The following PEG3 variants were observed in gnomAD, a reference collection of about 807,000 sequenced individuals.
PEG3 encodes the protein paternally-expressed gene 3 protein.
PEG3 carries 23 observed loss-of-function variants against 35.5 expected under a neutral mutation model. The ratio of observed to expected loss-of-function variants is 0.65; its 90% CI spans 0.47 to 0.92. The LOEUF (loss-of-function observed/expected upper bound fraction) is 0.92. Among genes scored for constraint, PEG3 ranks in the 40% least tolerant of loss-of-function variants. The pLI, the probability that PEG3 is intolerant of heterozygous loss-of-function variation, is 0.00. For synonymous variants in PEG3, 707 were observed against 697.0 expected, an observed-to-expected ratio of 1.01 and a Z score of -0.23; for missense variants, 1,960 against 1,985.3, an observed-to-expected ratio of 0.99 and a Z score of 0.24.
rs1441959251 is a variant in PEG3, at chr19:56,839,486, A to C, written c.-250+1096T>G. On this transcript the variant is annotated intron_variant, in intron 1 of 9. Coordinates refer to ENST00000326441, the MANE Select transcript of PEG3 (RefSeq NM_006210.3). ...TCACTTCAGCCTTGCCCCGCCCCATATGCCACCAACCAACCAGGGGAGCAC... is the reference window on the plus strand; with the variant it reads ...TCACTTCAGCCTTGCCCCGCCCCATCTGCCACCAACCAACCAGGGGAGCAC... Among the ~76,000 whole-genome samples, 267 of 96,826 alleles carry C rather than the reference A, an allele frequency of 2.8e-3. No individual in the cohort carries two copies. The Middle Eastern group carries it at 0.034, about 13-fold the overall frequency. The allele number at this position is 96,826 out of a possible 152,430, so 63.5% of individuals were successfully genotyped here.
intron 4 of PEG3, 106 bp downstream of exon 4, chr19:56,824,156 G>A: frequency 1.3e-6 from 2 of 1,513,050 alleles, no homozygotes; most frequent in Non-Finnish European, 1.8e-6. Context: ...CGCTGCCCAG[G>A]ACAGAGAGTT....
chr19:56,825,908 G>A (rs567887769), intron 3 of PEG3, among the ~76,000 whole-genome samples: 27 of 152,170 alleles, frequency 1.8e-4, no homozygotes, highest in South Asian at 6.2e-4. Flanking sequence ...TGGTAATCAC[G>A]GTAAACTCAT....
chr19:56,819,899 G>A (rs559242197), intron 7 of PEG3, among the ~76,000 whole-genome samples: 3 of 152,214 alleles, frequency 2.0e-5, no homozygotes, highest in South Asian at 2.1e-4. Flanking sequence ...AAAGAGGTAC[G>A]GGTATCTGGG....
rs1364211862 is a variant in PEG3, at chr19:56,816,561, G to A, written c.1881C>T (p.Tyr627=). 12 of 1,613,816 alleles carry A rather than the reference G, an allele frequency of 7.4e-6. No individual in the cohort carries two copies. The highest frequency in any genetic ancestry group is 6.6e-5 in the South Asian group (6 of 91,048). Residue 627 remains tyrosine (Y), a synonymous_variant, in exon 10 of 10, where the codon TAC becomes TAT. Transcript: ENST00000326441. ...AAGTCTCCCCACACACCTTACATTC[G>A]TACATTTTCTCTTTACCATACATTT... ...FQKMYGKEKM[Y]ECKVCGETFL...
At position 56,818,543 on chromosome 19, in the gene PEG3, G is replaced by T; in HGVS notation, c.772+57C>A. On this transcript the variant is annotated intron_variant, in intron 8 of 9. Coordinates refer to ENST00000326441, the MANE Select transcript of PEG3 (RefSeq NM_006210.3). Reference sequence around the variant, plus strand: ...TAACATCCAGCTTAAAAAGGAGCAAGATGACAAAATGCTCCAATGACTGGA... The same window carrying T: ...TAACATCCAGCTTAAAAAGGAGCAATATGACAAAATGCTCCAATGACTGGA... The T allele has an allele frequency of 2.5e-6, 4 of 1,581,644 alleles. No homozygotes were observed. In the South Asian group the frequency reaches 3.3e-5, roughly 13 times the overall value.
At position 56,810,125 on chromosome 19, in the gene PEG3, G is replaced by A. The variant is rs1156449199; in HGVS notation, c.*3550C>T. The A allele has an allele frequency of 4.2e-6, 4 of 960,628 alleles. No individual in the cohort carries two copies. Among genetic ancestry groups the A allele is most frequent in the Non-Finnish European group, 5.0e-6 (4 of 807,520 alleles). 59.5% of individuals were successfully genotyped at this position (960,628 alleles called of 1,614,324 possible). The stretch of plus-strand genomic sequence containing the variant: ...TTTATTGTTGACACTATTACAGATA[G>A]AATGACCACAACCATATTAACAAAC... On this transcript the variant is annotated 3_prime_UTR_variant, in exon 10 of 10. Coordinates refer to ENST00000326441, the MANE Select transcript of PEG3 (RefSeq NM_006210.3).
chr19:56,839,718 A>G (rs965729507), intron 1 of PEG3, among the ~76,000 whole-genome samples: 6 of 150,022 alleles, frequency 4.0e-5, no homozygotes, highest in Admixed American at 3.3e-4. Flanking sequence ...ATCCAATGCA[A>G]CCCACAGTCA....
intron 1 of PEG3, among the ~76,000 whole-genome samples, chr19:56,836,903 G>A (rs1250858809): frequency 6.8e-6 from 1 of 147,792 alleles, no homozygotes; most frequent in Non-Finnish European, 1.5e-5. Context: ...CCGGGAGGCA[G>A]AGGCTGCAGT....
intron 2 of PEG3, chr19:56,833,039 A>C: frequency 4.9e-6 from 2 of 411,912 alleles, no homozygotes; most frequent in Non-Finnish European, 4.9e-6. Context: ...CATGGCTTTA[A>C]TCAGAGAAAT....
intron 2 of PEG3, among the ~76,000 whole-genome samples, chr19:56,831,013 G>A (rs747536404): frequency 6.6e-6 from 1 of 152,138 alleles, no homozygotes; most frequent in South Asian, 2.1e-4. Context: ...ATAAAGACAC[G>A]TGTATCACAT....
At chr19:56,826,296 T>C (rs968063495) in intron 3 of PEG3, 92 bp downstream of exon 3, 2 of 152,228 alleles carry the variant, frequency 1.3e-5, no homozygotes, top group Admixed American at 6.5e-5. Context: ...AACTCTGTTA[T>C]GTGGCAGACA....
intron 2 of PEG3, among the ~76,000 whole-genome samples, chr19:56,827,353 A>G (rs1002178564): frequency 6.6e-6 from 1 of 152,192 alleles, no homozygotes; most frequent in Non-Finnish European, 1.5e-5. Context: ...GGCCAATAGA[A>G]CTTGGCCCTT....
Position 56,813,554 on chromosome 19 carries a change from A to C in PEG3, c.*121T>G, listed in dbSNP as rs2059687455. 1 of 1,449,554 alleles carries C rather than the reference A, an allele frequency of 6.9e-7. No individual in the cohort carries two copies. Among genetic ancestry groups the C allele is most frequent in the African/African-American group, 1.4e-5 (1 of 69,858 alleles). The allele number at this position is 1,449,554 out of a possible 1,614,324, so 89.8% of individuals were successfully genotyped here. On this transcript the variant is annotated 3_prime_UTR_variant, in exon 10 of 10. Transcript: ENST00000326441. ...AATCTGAGTTTAGAGATGTTAAGTCAGGTGTGTAACACACTAAGGTTAAGT... is the reference window on the plus strand; with the variant it reads ...AATCTGAGTTTAGAGATGTTAAGTCCGGTGTGTAACACACTAAGGTTAAGT...
chr19:56,813,526 T>C lies in PEG3; in HGVS notation c.*149A>G, dbSNP rs951944282. On this transcript the variant is annotated 3_prime_UTR_variant, in exon 10 of 10. Coordinates refer to ENST00000326441, the MANE Select transcript of PEG3 (RefSeq NM_006210.3). ...GTGGAATCTGCACATTCGGTCTCTT[T>C]TCAATCTGAGTTTAGAGATGTTAAG... 9 of 1,439,108 alleles carry C rather than the reference T, an allele frequency of 6.3e-6. No individual in the cohort carries two copies. Among genetic ancestry groups the C allele is most frequent in the Non-Finnish European group, 8.2e-6 (9 of 1,094,638 alleles). The allele number at this position is 1,439,108 out of a possible 1,614,324, so 89.1% of individuals were successfully genotyped here. A position where few individuals can be genotyped will look rare whatever the true frequency, so the allele number is the denominator to read the frequency against.
chr19:56,818,540 C>G, intron 8 of PEG3, 60 bp downstream of exon 8: 1 of 1,578,964 alleles, frequency 6.3e-7, no homozygotes, highest in Non-Finnish European at 8.7e-7. Flanking sequence ...TAAAAAGGAG[C>G]AAGATGACAA....
chr19:56,821,609 A>T, intron 7 of PEG3, 42 bp downstream of exon 7: 1 of 1,607,856 alleles, frequency 6.2e-7, no homozygotes, highest in Non-Finnish European at 8.5e-7. Flanking sequence ...CTGCCATGAA[A>T]TGAAGATGGC....
chr19:56,811,132 G>C lies in PEG3; in HGVS notation c.*2543C>G. 1 of 982,968 alleles carries C rather than the reference G, an allele frequency of 1.0e-6. No homozygotes were observed. The highest frequency in any genetic ancestry group is 1.2e-6 in the Non-Finnish European group (1 of 827,718). The allele number at this position is 982,968 out of a possible 1,614,324, so 60.9% of individuals were successfully genotyped here. On this transcript the variant is annotated 3_prime_UTR_variant, in exon 10 of 10. Transcript: ENST00000326441. ...TCCTCCACTTTTCTGTATTTTCCAA[G>C]TGTGTGATAATGAGTTCAAATTATG...
chr19:56,835,161 C>A (rs2061962887), intron 2 of PEG3, among the ~76,000 whole-genome samples: 2 of 152,146 alleles, frequency 1.3e-5, no homozygotes, highest in Admixed American at 1.3e-4. Flanking sequence ...GGTCTCCCCA[C>A]ACCCACTGCG....
chr19:56,837,297 G>T (rs904694832), intron 1 of PEG3, among the ~76,000 whole-genome samples: 20 of 152,144 alleles, frequency 1.3e-4, no homozygotes, highest in African/African-American at 4.6e-4. Flanking sequence ...TAGTTCCCAT[G>T]CACTGCCCCT....
Sources: gnomAD v4.1 joint callset for allele counts (sites outside exome capture counted in the v4.1 genomes callset) on GRCh38, gnomAD v4.1.1 for gene constraint, MANE v1.5 for transcripts, NCBI Gene and HGNC (gene_info 2026-07-23, HGNC 2026-07-21) for gene names.